ZNF423: variants seen among roughly 807,000 people sequenced by gnomAD.
The protein encoded by ZNF423 is zinc finger protein 423.
A neutral mutation model predicts 95.8 loss-of-function variants in ZNF423; 12 were observed. The observed-to-expected ratio is 0.13, with a 90% confidence interval of 0.08 to 0.20. The LOEUF (loss-of-function observed/expected upper bound fraction) is 0.20. Ranked by LOEUF, ZNF423 falls within the 10% of genes least tolerant of loss-of-function variation. The probability of loss-of-function intolerance (pLI) is 1.00; values close to 1 mark genes in which losing one functional copy is unlikely to be tolerated. For synonymous variants in ZNF423, 749 were observed against 711.9 expected, an observed-to-expected ratio of 1.05 and a Z score of -0.83; for missense variants, 1,316 against 1,737.1, an observed-to-expected ratio of 0.76 and a Z score of 4.31.
intron 2 of ZNF423, among the ~76,000 whole-genome samples, chr16:49,737,480 G>A (rs2033314478): frequency 6.6e-6 from 1 of 152,194 alleles, no homozygotes; most frequent in Admixed American, 6.5e-5. Flanking sequence ...ATGTTGGCCA[G>A]GCTGGTCTCA....
chr16:49,773,509 G>A (rs530452272), intron 2 of ZNF423, among the ~76,000 whole-genome samples: 3 of 152,302 alleles, frequency 2.0e-5, no homozygotes, highest in East Asian at 1.9e-4. Context: ...TAACCACATC[G>A]CAGGTTCCCT....
chr16:49,827,751 C>T (rs552114933), intron 1 of ZNF423, among the ~76,000 whole-genome samples: 1 of 152,282 alleles, frequency 6.6e-6, no homozygotes, highest in Admixed American at 6.5e-5. Flanking sequence ...CTTCAGGCTT[C>T]AAACAATCCT....
At chr16:49,854,285 TTG>T in intron 1 of ZNF423, 1 of 985,382 alleles carries the variant, frequency 1.0e-6, no homozygotes, top group Non-Finnish European at 1.2e-6. Context: ...TTGGACTCAG[TTG>T]GTCTCCTTCT....
At chr16:49,537,222 T>C (rs1430469340) in intron 5 of ZNF423, among the ~76,000 whole-genome samples, 1 of 152,160 alleles carries the variant, frequency 6.6e-6, no homozygotes, top group Admixed American at 6.5e-5. Context: ...TACCATAACT[T>C]TGAACCAACA....
chr16:49,627,715 C>A (rs1261489231), intron 4 of ZNF423, among the ~76,000 whole-genome samples: 1 of 150,778 alleles, frequency 6.6e-6, no homozygotes, highest in African/African-American at 2.4e-5. Flanking sequence ...ATCCATCCAT[C>A]CATCCATCCA....
At chr16:49,785,550 ATT>A (rs1338574291) in intron 2 of ZNF423, among the ~76,000 whole-genome samples, 2 of 152,144 alleles carry the variant, frequency 1.3e-5, no homozygotes, top group Non-Finnish European at 2.9e-5. Flanking sequence ...GTTTGTTTTT[ATT>A]TTTTTAAGAA....
intron 5 of ZNF423, among the ~76,000 whole-genome samples, chr16:49,616,907 T>C (rs1681986880): frequency 6.6e-6 from 1 of 152,214 alleles, no homozygotes; most frequent in South Asian, 2.1e-4. Flanking sequence ...TATTGATAGA[T>C]AGAATTTATT....
At chr16:49,789,359 A>AG (rs1198752776) in intron 2 of ZNF423, 128 bp downstream of exon 2, 2 of 783,302 alleles carry the variant, frequency 2.6e-6, no homozygotes, top group East Asian at 5.8e-5. Flanking sequence ...TGCATGGGGT[A>AG]GTCTGGATTG....
chr16:49,818,712 C>T (rs1486035872), intron 1 of ZNF423, among the ~76,000 whole-genome samples: 1 of 151,538 alleles, frequency 6.6e-6, no homozygotes, highest in Non-Finnish European at 1.5e-5. Flanking sequence ...ATAGAGAGAT[C>T]TCATCTCTTA....
At chr16:49,615,653 G>C (rs563855660) in intron 5 of ZNF423, among the ~76,000 whole-genome samples, 2 of 152,206 alleles carry the variant, frequency 1.3e-5, no homozygotes, top group South Asian at 4.2e-4. Flanking sequence ...AGAAACCAGA[G>C]GTCTAAAGAG....
chr16:49,604,838 C>A (rs1434010282), intron 5 of ZNF423, among the ~76,000 whole-genome samples: 1 of 152,164 alleles, frequency 6.6e-6, no homozygotes, highest in Non-Finnish European at 1.5e-5. Flanking sequence ...ACTGTCCCTA[C>A]TGGTGTGATG....
intron 3 of ZNF423, among the ~76,000 whole-genome samples, chr16:49,666,844 G>C (rs541222615): frequency 5.3e-4 from 80 of 152,302 alleles, no homozygotes; most frequent in Non-Finnish European, 9.7e-4. Flanking sequence ...ATGGAGGAGG[G>C]GAAACAAAAG....
At chr16:49,747,097 G>C (rs1053306736) in intron 2 of ZNF423, among the ~76,000 whole-genome samples, 1 of 152,128 alleles carries the variant, frequency 6.6e-6, no homozygotes, top group Non-Finnish European at 1.5e-5. Context: ...GCCCACAGAA[G>C]CTTATATCCT....
intron 3 of ZNF423, among the ~76,000 whole-genome samples, chr16:49,728,671 A>G (rs1292937938): frequency 6.6e-6 from 1 of 152,150 alleles, no homozygotes; most frequent in East Asian, 1.9e-4. Flanking sequence ...AGACTCTCAC[A>G]TATAGCCCAG....
At chr16:49,508,291 C>A (rs1307567185) in intron 7 of ZNF423, among the ~76,000 whole-genome samples, 1 of 152,038 alleles carries the variant, frequency 6.6e-6, no homozygotes, top group Non-Finnish European at 1.5e-5. Flanking sequence ...AAGGCCAAGG[C>A]AGTAAAATTG....
Position 49,697,224 on chromosome 16 carries a change from C to T in ZNF423, c.301+33547G>A, listed in dbSNP as rs1224419780. On this transcript the variant is annotated intron_variant, in intron 3 of 7. Transcript: ENST00000563137. ...CCTCTCAGTCCCTAACCCACCAGGT[C>T]CTTCTGTCACCTGGTTTCTGGGTAC... is the stretch of plus-strand genomic sequence containing the variant. 2.0e-5 allele frequency among the ~76,000 whole-genome samples: 3 copies of T among 152,272 alleles called. No homozygotes were observed. In the East Asian group the frequency reaches 5.8e-4, roughly 29 times the overall value.
chr16:49,557,537 G>A (rs909565499), intron 5 of ZNF423, among the ~76,000 whole-genome samples: 4 of 152,208 alleles, frequency 2.6e-5, no homozygotes, highest in Admixed American at 2.0e-4. Flanking sequence ...GTGGGGACAC[G>A]GGTGCTTGGG....
intron 3 of ZNF423, among the ~76,000 whole-genome samples, chr16:49,678,544 G>GA (rs1381920046): frequency 2.0e-5 from 3 of 152,128 alleles, no homozygotes; most frequent in Non-Finnish European, 2.9e-5. Flanking sequence ...AACTGGAATC[G>GA]AATAAAAAAA....
chr16:49,536,820 A>G (rs1969070600), intron 5 of ZNF423, among the ~76,000 whole-genome samples: 1 of 152,238 alleles, frequency 6.6e-6, no homozygotes, highest in South Asian at 2.1e-4. Context: ...GTAGTACAGA[A>G]TATTTCCATC....
Sources: gnomAD v4.1 joint callset for allele counts (sites outside exome capture counted in the v4.1 genomes callset) on GRCh38, gnomAD v4.1.1 for gene constraint, MANE v1.5 for transcripts, NCBI Gene and HGNC (gene_info 2026-07-23, HGNC 2026-07-21) for gene names.